The following KCNIP4 variants were observed in gnomAD, a reference collection of about 807,000 sequenced individuals.
KCNIP4 encodes the protein Kv channel-interacting protein 4.
In KCNIP4, 12 loss-of-function variants were observed where a neutral mutation model predicts 34.0. That is an observed-to-expected ratio of 0.35 (90% CI 0.23 to 0.57). The LOEUF is 0.57. Ranked by LOEUF, KCNIP4 falls within the 20% of genes least tolerant of loss-of-function variation. The pLI, the probability that KCNIP4 is intolerant of heterozygous loss-of-function variation, is 0.83. For synonymous variants in KCNIP4, 124 were observed against 102.2 expected (o/e 1.21, Z -1.29); for missense variants, 238 against 311.7 (o/e 0.76, Z 1.78).
At chr4:21,235,608 C>T (rs1759300622) in intron 1 of KCNIP4, among the ~76,000 whole-genome samples, 1 of 152,122 alleles carries the variant, frequency 6.6e-6, no homozygotes, top group Non-Finnish European at 1.5e-5. Flanking sequence ...ACTCATTTAC[C>T]ATGCTATATT....
intron 1 of KCNIP4, among the ~76,000 whole-genome samples, chr4:21,418,353 T>C (rs1725154269): frequency 6.6e-6 from 1 of 152,102 alleles, no homozygotes; most frequent in South Asian, 2.1e-4. Context: ...CCCAGTTAGT[T>C]GGGCATGATG....
At chr4:21,868,482 G>A (rs1333210394) in intron 1 of KCNIP4, among the ~76,000 whole-genome samples, 6 of 152,134 alleles carry the variant, frequency 3.9e-5, no homozygotes, top group African/African-American at 7.2e-5. Flanking sequence ...CTATGACACC[G>A]TTTTCAAAAG....
At chr4:21,243,956 C>T (rs1025730030) in intron 1 of KCNIP4, among the ~76,000 whole-genome samples, 3 of 152,076 alleles carry the variant, frequency 2.0e-5, no homozygotes, top group African/African-American at 7.2e-5. Context: ...TCGAATGTCT[C>T]AAGGTAAGGA....
At chr4:20,779,361 G>A (rs904381559) in intron 3 of KCNIP4, among the ~76,000 whole-genome samples, 1 of 152,092 alleles carries the variant, frequency 6.6e-6, no homozygotes, top group Non-Finnish European at 1.5e-5. Context: ...CAAGCTGAGT[G>A]TAAAAATTGC....
At chr4:21,414,475 C>T (rs776477217) in intron 1 of KCNIP4, among the ~76,000 whole-genome samples, 22 of 152,162 alleles carry the variant, frequency 1.4e-4, no homozygotes, top group Admixed American at 1.4e-3. Flanking sequence ...CCCTCTCAGG[C>T]TCCTGTGGAA....
intron 1 of KCNIP4, among the ~76,000 whole-genome samples, chr4:21,856,751 AGCACTT>A (rs1322329677): frequency 6.6e-6 from 1 of 152,120 alleles, no homozygotes; most frequent in East Asian, 1.9e-4. Flanking sequence ...TCCTACTCCA[AGCACTT>A]GAGGGTGCCT....
rs866767560 is a variant in KCNIP4 at position 21,406,981 on chromosome 4, G to A, written c.62-524272C>T. On this transcript the variant is annotated intron_variant, in intron 1 of 8. Coordinates refer to ENST00000382152, the MANE Select transcript of KCNIP4 (RefSeq NM_025221.6). ...AGAACAAAAACTTTGATAACACTTG[G>A]AAATGTATATAACTTAGTGAATCAA... Among the ~76,000 whole-genome samples the A allele has an allele frequency of 2.0e-5, 3 of 152,006 alleles. No homozygotes were observed. In the South Asian group the frequency reaches 6.2e-4, roughly 32 times the overall value.
chr4:21,703,273 T>C (rs368770726), intron 1 of KCNIP4, among the ~76,000 whole-genome samples: 53 of 152,230 alleles, frequency 3.5e-4, no homozygotes, highest in Middle Eastern at 3.4e-3. Flanking sequence ...GAAAAGAAAC[T>C]TAAAGGCATA....
intron 3 of KCNIP4, among the ~76,000 whole-genome samples, chr4:20,799,318 A>G (rs1251075742): frequency 3.3e-5 from 5 of 152,158 alleles, no homozygotes. Flanking sequence ...TAGAGACTCT[A>G]ATAACTCTGG....
chr4:21,684,232 T>C (rs1481820394), intron 1 of KCNIP4, among the ~76,000 whole-genome samples: 1 of 152,210 alleles, frequency 6.6e-6, no homozygotes, highest in Non-Finnish European at 1.5e-5. Flanking sequence ...TGAATTCTTA[T>C]GCGTTTTAGA....
At chr4:20,883,170 C>T (rs1344001831) in intron 1 of KCNIP4, among the ~76,000 whole-genome samples, 1 of 152,130 alleles carries the variant, frequency 6.6e-6, no homozygotes, top group Non-Finnish European at 1.5e-5. Context: ...ATAGATGCTT[C>T]ACATAAATCA....
intron 1 of KCNIP4, among the ~76,000 whole-genome samples, chr4:21,924,205 G>A (rs1050560145): frequency 6.7e-6 from 1 of 149,776 alleles, no homozygotes; most frequent in Non-Finnish European, 1.5e-5. Context: ...AATGGTTTTT[G>A]TACATAAGGA....
At chr4:21,213,686 T>C (rs182189815) in intron 1 of KCNIP4, among the ~76,000 whole-genome samples, 3 of 152,242 alleles carry the variant, frequency 2.0e-5, no homozygotes, top group African/African-American at 7.2e-5. Context: ...ATTACAGGCA[T>C]AAACCACCAT....
At chr4:21,104,198 A>G (rs1331798615) in intron 1 of KCNIP4, among the ~76,000 whole-genome samples, 2 of 151,768 alleles carry the variant, frequency 1.3e-5, no homozygotes, top group African/African-American at 4.9e-5. Flanking sequence ...GAACTAGTTT[A>G]CAGTCCCACC....
At chr4:21,835,131 G>A (rs1429174101) in intron 1 of KCNIP4, among the ~76,000 whole-genome samples, 1 of 151,990 alleles carries the variant, frequency 6.6e-6, no homozygotes, top group Non-Finnish European at 1.5e-5. Flanking sequence ...CAGGAAAAAA[G>A]TTTCACCCTA....
chr4:20,843,839 C>T (rs921250799), intron 3 of KCNIP4, among the ~76,000 whole-genome samples: 3 of 152,168 alleles, frequency 2.0e-5, no homozygotes, highest in African/African-American at 7.2e-5. Context: ...GTGATTTTTG[C>T]CATTGAAAGT....
intron 1 of KCNIP4, among the ~76,000 whole-genome samples, chr4:21,716,333 T>A: frequency 6.6e-6 from 1 of 151,738 alleles, no homozygotes; most frequent in East Asian, 1.9e-4. Context: ...GCCTCCCGGG[T>A]TCAAGCGATT....
chr4:21,550,596 A>G (rs1018531087), intron 1 of KCNIP4, among the ~76,000 whole-genome samples: 2 of 152,050 alleles, frequency 1.3e-5, no homozygotes, highest in Admixed American at 6.6e-5. Flanking sequence ...TGATAGCATC[A>G]TCGGTCCCTG....
At chr4:21,016,870 TAA>T (rs1166213922) in intron 1 of KCNIP4, among the ~76,000 whole-genome samples, 1 of 152,194 alleles carries the variant, frequency 6.6e-6, no homozygotes, top group Non-Finnish European at 1.5e-5. Flanking sequence ...GAAGGAATCT[TAA>T]AGTTTAGTCT....
Sources: allele counts gnomAD v4.1 joint callset (sites outside exome capture counted in the v4.1 genomes callset), GRCh38; gene constraint gnomAD v4.1.1; transcripts MANE v1.5; gene names NCBI Gene and HGNC (gene_info 2026-07-23, HGNC 2026-07-21).